The following NLGN1 variants were observed in gnomAD, a reference collection of about 807,000 sequenced individuals.
NLGN1 encodes the protein neuroligin 1, also known as neuroligin-1.
A neutral mutation model predicts 65.5 loss-of-function variants in NLGN1; 12 were observed. The ratio of observed to expected loss-of-function variants is 0.18; its 90% CI spans 0.12 to 0.30. NLGN1 has a LOEUF of 0.30. Among genes scored for constraint, NLGN1 ranks in the 10% least tolerant of loss-of-function variants. NLGN1 has a pLI of 1.00. For synonymous variants in NLGN1, 350 were observed against 359.5 expected (o/e 0.97, Z 0.30); for missense variants, 750 against 1,007.1 (o/e 0.74, Z 3.46).
At chr3:173,695,007 G>A (rs1223195016) in intron 3 of NLGN1, among the ~76,000 whole-genome samples, 2 of 152,062 alleles carry the variant, frequency 1.3e-5, no homozygotes, top group African/African-American at 2.4e-5. Flanking sequence ...TCCAGTAATT[G>A]TATTGAGACT....
intron 3 of NLGN1, among the ~76,000 whole-genome samples, chr3:173,787,211 T>C (rs1782130613): frequency 6.6e-6 from 1 of 152,232 alleles, no homozygotes; most frequent in African/African-American, 2.4e-5. Flanking sequence ...CATTAATTCA[T>C]GTGCAAATTT....
chr3:173,893,572 C>G (rs1735760643), intron 4 of NLGN1, among the ~76,000 whole-genome samples: 1 of 152,134 alleles, frequency 6.6e-6, no homozygotes, highest in African/African-American at 2.4e-5. Context: ...TTTCCTCAAC[C>G]ATCCTTCACC....
chr3:173,924,330 T>C (rs1320971184), intron 4 of NLGN1, among the ~76,000 whole-genome samples: 1 of 152,088 alleles, frequency 6.6e-6, no homozygotes, highest in East Asian at 1.9e-4. Flanking sequence ...ACGTGAAAAA[T>C]GTATTTCATT....
intron 4 of NLGN1, among the ~76,000 whole-genome samples, chr3:173,925,410 G>A (rs1046770808): frequency 6.6e-6 from 1 of 152,156 alleles, no homozygotes; most frequent in Non-Finnish European, 1.5e-5. Flanking sequence ...AGAAATAAGA[G>A]AAGAATATAC....
At chr3:174,089,343 T>C (rs1211180585) in intron 4 of NLGN1, among the ~76,000 whole-genome samples, 1 of 152,186 alleles carries the variant, frequency 6.6e-6, no homozygotes, top group Non-Finnish European at 1.5e-5. Flanking sequence ...GTTCTTCCGC[T>C]AGCCTGTTCT....
intron 4 of NLGN1, among the ~76,000 whole-genome samples, chr3:174,157,996 C>T (rs974431188): frequency 6.6e-6 from 1 of 151,740 alleles, no homozygotes; most frequent in African/African-American, 2.4e-5. Context: ...GTAGAAAGTA[C>T]ATTGTCCAGC....
chr3:173,871,731 G>A (rs981507925), intron 4 of NLGN1, among the ~76,000 whole-genome samples: 3 of 152,136 alleles, frequency 2.0e-5, no homozygotes, highest in African/African-American at 4.8e-5. Flanking sequence ...GCTGGAGCCT[G>A]CATATTCCTG....
At chr3:173,679,559 G>A (rs1309375468) in intron 3 of NLGN1, among the ~76,000 whole-genome samples, 2 of 152,214 alleles carry the variant, frequency 1.3e-5, no homozygotes, top group Non-Finnish European at 1.5e-5. Flanking sequence ...CATGAGTTAG[G>A]TTGGAGAAGT....
intron 3 of NLGN1, among the ~76,000 whole-genome samples, chr3:173,702,326 G>C (rs1274946269): frequency 6.6e-6 from 1 of 152,054 alleles, no homozygotes; most frequent in Non-Finnish European, 1.5e-5. Context: ...AGAAAGGGAA[G>C]AGTTACTTCA....
chr3:173,403,456 AAAG>A (rs2065541428), intron 1 of NLGN1, among the ~76,000 whole-genome samples: 1 of 152,148 alleles, frequency 6.6e-6, no homozygotes, highest in Non-Finnish European at 1.5e-5. Flanking sequence ...TTACTCTCAT[AAAG>A]AAGGACTTCA....
chr3:174,004,201 A>G (rs754181689), intron 4 of NLGN1, among the ~76,000 whole-genome samples: 1 of 152,152 alleles, frequency 6.6e-6, no homozygotes, highest in Non-Finnish European at 1.5e-5. Flanking sequence ...TTATTACTAC[A>G]TCTTTATTAA....
At chr3:174,161,270 A>T (rs1403426427) in intron 4 of NLGN1, among the ~76,000 whole-genome samples, 2 of 151,842 alleles carry the variant, frequency 1.3e-5, no homozygotes, top group African/African-American at 4.8e-5. Flanking sequence ...TCACCATATA[A>T]CTGTTACTCA....
intron 4 of NLGN1, among the ~76,000 whole-genome samples, chr3:173,844,931 A>G (rs182110679): frequency 1.1e-4 from 16 of 152,356 alleles, no homozygotes; most frequent in African/African-American, 3.8e-4. Flanking sequence ...TGACATGTGA[A>G]TGAAGACATT....
intron 2 of NLGN1, among the ~76,000 whole-genome samples, chr3:173,512,732 A>T (rs1733187753): frequency 6.6e-6 from 1 of 152,164 alleles, no homozygotes; most frequent in Non-Finnish European, 1.5e-5. Flanking sequence ...GCCAGGGACC[A>T]ACCCCTGTCT....
chr3:174,160,103 T>TAC (rs149811372), intron 4 of NLGN1, among the ~76,000 whole-genome samples: 168 of 150,840 alleles, frequency 1.1e-3, no homozygotes, highest in African/African-American at 3.3e-3. Flanking sequence ...CACAAACACA[T>TAC]ACACACACAC....
chr3:174,132,800 G>A (rs6783874), intron 4 of NLGN1, among the ~76,000 whole-genome samples: 8,400 of 152,206 alleles, frequency 0.055, 300 homozygotes, highest in African/African-American at 0.086. Flanking sequence ...GCTCTCCAAG[G>A]GAGTGAAAGA....
chr3:173,965,344 G>A (rs1319078159), intron 4 of NLGN1, among the ~76,000 whole-genome samples: 1 of 151,838 alleles, frequency 6.6e-6, no homozygotes, highest in South Asian at 2.1e-4. Flanking sequence ...TTGAGACAGA[G>A]TCTCACCCCA....
chr3:173,948,434 A>G (rs966934468), intron 4 of NLGN1, among the ~76,000 whole-genome samples: 1 of 152,202 alleles, frequency 6.6e-6, no homozygotes, highest in African/African-American at 2.4e-5. Flanking sequence ...CAGGACAAAA[A>G]AAGTTGAGAC....
At chr3:173,398,469 C>T (rs914894452) in exon 1 of NLGN1, 13 of 152,182 alleles carry the variant, frequency 8.5e-5, no homozygotes, top group African/African-American at 2.9e-4. Context: ...GACTCCTGCC[C>T]GCCTCAACAC....
Sources: allele counts gnomAD v4.1 joint callset (sites outside exome capture counted in the v4.1 genomes callset), GRCh38; gene constraint gnomAD v4.1.1; transcripts MANE v1.5; gene names NCBI Gene and HGNC (gene_info 2026-07-23, HGNC 2026-07-21).